The following KHDRBS2 variants were observed in gnomAD, a reference collection of about 807,000 sequenced individuals.
KHDRBS2 encodes KH RNA binding domain containing, signal transduction associated 2.
In KHDRBS2, 26 loss-of-function variants were observed where a neutral mutation model predicts 44.3. That is an observed-to-expected ratio of 0.59 (90% CI 0.43 to 0.81). The LOEUF is 0.81. Among genes scored for constraint, KHDRBS2 ranks in the 40% least tolerant of loss-of-function variants. The pLI, the probability that KHDRBS2 is intolerant of heterozygous loss-of-function variation, is 0.00. For missense variants in KHDRBS2, 476 were observed against 433.1 expected (o/e 1.10, Z -0.88); for synonymous variants, 194 against 151.1 (o/e 1.28, Z -2.08).
intron 2 of KHDRBS2, among the ~76,000 whole-genome samples, chr6:62,066,084 G>A (rs905411054): frequency 4.6e-5 from 7 of 151,150 alleles, no homozygotes; most frequent in Non-Finnish European, 8.9e-5. Flanking sequence ...CTGTATTAGG[G>A]GTACATTCTT....
intron 4 of KHDRBS2, among the ~76,000 whole-genome samples, chr6:61,941,024 G>C (rs1412830655): frequency 6.6e-6 from 1 of 151,600 alleles, no homozygotes; most frequent in Admixed American, 6.5e-5. Context: ...CCAGTGGCTG[G>C]GGGTTGTCCT....
At chr6:62,007,501 C>T (rs1266802322) in intron 3 of KHDRBS2, among the ~76,000 whole-genome samples, 4 of 151,776 alleles carry the variant, frequency 2.6e-5, no homozygotes, top group Non-Finnish European at 5.9e-5. Context: ...ACTGATGACA[C>T]AGACCACATT....
In KHDRBS2 at chr6:61,959,007, A is replaced by G. The variant is rs116880921; in HGVS notation, c.483+19059T>C. On this transcript the variant is annotated intron_variant, in intron 4 of 8. Transcript: ENST00000281156. ...GCACTTCAGTATCAATGGTGCCACT[A>G]CAACCTCAACTGGTGTCACTTCAAC... Among the ~76,000 whole-genome samples the G allele has an allele frequency of 1.4e-4, 21 of 152,322 alleles. 1 individual carries two copies. The East Asian group carries it at 4.1e-3, about 29-fold the overall frequency.
the KHDRBS2 span, among the ~76,000 whole-genome samples, chr6:61,648,609 G>T: frequency 6.6e-6 from 1 of 152,124 alleles, no homozygotes; most frequent in South Asian, 2.1e-4. Flanking sequence ...CAGACAATCA[G>T]AGACTTTCAA....
intron 2 of KHDRBS2, among the ~76,000 whole-genome samples, chr6:62,161,792 C>G (rs1817718315): frequency 1.3e-5 from 2 of 151,636 alleles, no homozygotes; most frequent in East Asian, 3.9e-4. Flanking sequence ...TGTATATATT[C>G]TATAGCTATT....
chr6:62,260,948 T>C (rs1838236961), intron 1 of KHDRBS2, among the ~76,000 whole-genome samples: 1 of 151,936 alleles, frequency 6.6e-6, no homozygotes, highest in Non-Finnish European at 1.5e-5. Flanking sequence ...CCCAGTATCC[T>C]TTTTCAGGGA....
chr6:61,695,689 C>T (rs1407716531), intron 8 of KHDRBS2, among the ~76,000 whole-genome samples: 1 of 152,130 alleles, frequency 6.6e-6, no homozygotes, highest in Non-Finnish European at 1.5e-5. Context: ...TTTCAATTTA[C>T]TTTAAAGAAA....
At chr6:61,814,112 C>T (rs1407827880) in intron 6 of KHDRBS2, 1 of 453,064 alleles carries the variant, frequency 2.2e-6, no homozygotes, top group Non-Finnish European at 4.4e-6. Context: ...TAAGTCCACT[C>T]AAATGAGTGA....
At chr6:61,629,756 C>T in the KHDRBS2 span, among the ~76,000 whole-genome samples, 9 of 152,192 alleles carry the variant, frequency 5.9e-5, no homozygotes, top group African/African-American at 2.2e-4. Flanking sequence ...TGTAGAACAC[C>T]TAATCTGTGA....
At chr6:62,276,638 C>A (rs952351032) in intron 1 of KHDRBS2, among the ~76,000 whole-genome samples, 1 of 152,176 alleles carries the variant, frequency 6.6e-6, no homozygotes, top group Admixed American at 6.5e-5. Context: ...TAAATTCCCC[C>A]ATTCATAAAT....
chr6:61,724,854 T>C (rs1582419130), intron 7 of KHDRBS2, among the ~76,000 whole-genome samples: 1 of 152,228 alleles, frequency 6.6e-6, no homozygotes, highest in Admixed American at 6.5e-5. Context: ...TCCCATACAA[T>C]AGTAGTGGGA....
At chr6:61,775,824 G>A (rs191059844) in intron 6 of KHDRBS2, among the ~76,000 whole-genome samples, 28 of 152,208 alleles carry the variant, frequency 1.8e-4, no homozygotes, top group South Asian at 1.7e-3. Context: ...AAATGAGCCC[G>A]TGGTGCCAAG....
At chr6:61,607,752 A>G in the KHDRBS2 span, among the ~76,000 whole-genome samples, 1 of 152,054 alleles carries the variant, frequency 6.6e-6, no homozygotes, top group African/African-American at 2.4e-5. Flanking sequence ...CAGTGGTGCA[A>G]TCTTGGCTCA....
At chr6:61,603,516 A>C in the KHDRBS2 span, among the ~76,000 whole-genome samples, 1 of 152,064 alleles carries the variant, frequency 6.6e-6, no homozygotes, top group Non-Finnish European at 1.5e-5. Context: ...GTTCTTACAC[A>C]AGAGCCGGGA....
At chr6:62,133,072 C>CT (rs949653834) in intron 2 of KHDRBS2, among the ~76,000 whole-genome samples, 83 of 151,326 alleles carry the variant, frequency 5.5e-4, no homozygotes, top group East Asian at 1.7e-3. Flanking sequence ...TACAAACGGG[C>CT]TTTTTTTTTA....
intron 6 of KHDRBS2, among the ~76,000 whole-genome samples, chr6:61,778,050 T>C (rs1782371933): frequency 6.6e-6 from 1 of 152,116 alleles, no homozygotes; most frequent in Non-Finnish European, 1.5e-5. Flanking sequence ...ATTGTGTTCA[T>C]GACCACTCCT....
At chr6:61,608,253 C>A in the KHDRBS2 span, among the ~76,000 whole-genome samples, 1 of 151,588 alleles carries the variant, frequency 6.6e-6, no homozygotes, top group African/African-American at 2.4e-5. Context: ...TACATATATA[C>A]ACATATATAC....
At chr6:62,144,572 A>T (rs1459577503) in intron 2 of KHDRBS2, among the ~76,000 whole-genome samples, 2 of 151,930 alleles carry the variant, frequency 1.3e-5, no homozygotes, top group African/African-American at 2.4e-5. Context: ...CTCTTTACAA[A>T]TATATTTAAT....
At chr6:61,848,545 A>ATG (rs1794911153) in intron 6 of KHDRBS2, among the ~76,000 whole-genome samples, 1 of 52,080 alleles carries the variant, frequency 1.9e-5, no homozygotes, top group Non-Finnish European at 3.1e-5. Context: ...ATATATGTAT[A>ATG]TATATACATA....
Sources: allele counts gnomAD v4.1 joint callset (sites outside exome capture counted in the v4.1 genomes callset), GRCh38; gene constraint gnomAD v4.1.1; transcripts MANE v1.5; gene names NCBI Gene and HGNC (gene_info 2026-07-23, HGNC 2026-07-21).